The following SVOP variants were observed in gnomAD, a reference collection of about 807,000 sequenced individuals.
SVOP encodes synaptic vesicle 2-related protein.
Under a neutral mutation model 69.1 loss-of-function variants are expected in SVOP, and 17 were observed. The ratio of observed to expected loss-of-function variants is 0.25; its 90% CI spans 0.17 to 0.37. The LOEUF (loss-of-function observed/expected upper bound fraction) is 0.37, where lower values mean the gene tolerates loss of function less well. Ranked by LOEUF, SVOP falls within the 10% of genes least tolerant of loss-of-function variation. SVOP has a pLI of 1.00. For synonymous variants in SVOP, 238 were observed against 238.6 expected, an observed-to-expected ratio of 1.00 and a Z score of 0.02; for missense variants, 435 against 597.5, an observed-to-expected ratio of 0.73 and a Z score of 2.84.
chr12:109,020,559 G>A (rs554053367), intron 1 of SVOP, among the ~76,000 whole-genome samples: 2 of 152,264 alleles, frequency 1.3e-5, no homozygotes, highest in African/African-American at 4.8e-5. Flanking sequence ...AATCCTTTTA[G>A]GATTGAGAGC....
At chr12:108,947,488 T>C (rs897083701) in intron 6 of SVOP, among the ~76,000 whole-genome samples, 9 of 152,194 alleles carry the variant, frequency 5.9e-5, no homozygotes, top group African/African-American at 1.7e-4. Context: ...CATTCTAAAC[T>C]TCCCCACTTC....
intron 5 of SVOP, among the ~76,000 whole-genome samples, chr12:108,961,568 A>G (rs775080508): frequency 5.3e-5 from 8 of 152,188 alleles, no homozygotes; most frequent in Non-Finnish European, 1.2e-4. Flanking sequence ...CATGCTGTCA[A>G]TGACAACGCT....
intron 1 of SVOP, among the ~76,000 whole-genome samples, chr12:109,013,219 G>A (rs2040351320): frequency 6.6e-6 from 1 of 152,066 alleles, no homozygotes; most frequent in Admixed American, 6.6e-5. Flanking sequence ...CTCTCATGAG[G>A]GAAGACAAAC....
At position 109,018,822 on chromosome 12, in the gene SVOP, G is replaced by A. The variant is rs115461652; in HGVS notation, c.35+2012C>T. 5.2e-3 allele frequency among the ~76,000 whole-genome samples: 793 copies of A among 152,274 alleles called. 6 individuals are homozygous for A. Among genetic ancestry groups the A allele is most frequent in the African/African-American group, 0.017 (721 of 41,546 alleles). ...TTTTTCAGATGTAATAATAGTAATA[G>A]CTAATATGCATTGAGTGCTTTGTGT... On this transcript the variant is annotated intron_variant, in intron 1 of 15. Transcript: ENST00000610966.
At chr12:108,991,261 C>T (rs1408220893) in intron 1 of SVOP, among the ~76,000 whole-genome samples, 1 of 152,134 alleles carries the variant, frequency 6.6e-6, no homozygotes, top group Non-Finnish European at 1.5e-5. Context: ...CCCAGGACAT[C>T]TCTTAAGCAG....
At chr12:108,934,585 A>G (rs4469942) in intron 10 of SVOP, among the ~76,000 whole-genome samples, 76,993 of 152,052 alleles carry the variant, frequency 0.51, 22,079 homozygotes, top group African/African-American at 0.78. Flanking sequence ...GCATTCCCAG[A>G]TGGTTACGCA....
intron 11 of SVOP, among the ~76,000 whole-genome samples, chr12:108,930,985 A>G (rs1014543349): frequency 6.6e-6 from 1 of 152,206 alleles, no homozygotes; most frequent in African/African-American, 2.4e-5. Flanking sequence ...CTGACCTTTT[A>G]TAGAAAAAGA....
chr12:109,012,226 T>C (rs1031862080), intron 1 of SVOP, among the ~76,000 whole-genome samples: 2 of 151,412 alleles, frequency 1.3e-5, no homozygotes, highest in Non-Finnish European at 2.9e-5. Flanking sequence ...GAGGTTGCAG[T>C]GAGCCAAGAT....
chr12:108,934,120 G>A, intron 11 of SVOP, 75 bp downstream of exon 11: 2 of 1,284,264 alleles, frequency 1.6e-6, no homozygotes. Context: ...AGCCTGGGGT[G>A]GGAGTGTGTG....
chr12:108,960,692 C>T (rs917585523), intron 6 of SVOP, among the ~76,000 whole-genome samples: 1 of 152,176 alleles, frequency 6.6e-6, no homozygotes, highest in African/African-American at 2.4e-5. Flanking sequence ...TATCATTTCG[C>T]TTTTACAACC....
chr12:108,988,622 A>G (rs1490439653), intron 1 of SVOP, among the ~76,000 whole-genome samples: 1 of 152,164 alleles, frequency 6.6e-6, no homozygotes, highest in African/African-American at 2.4e-5. Context: ...AGTAAGTAGT[A>G]GTAAGTTTTG....
In SVOP at chr12:109,007,300, CTAACA is replaced by C. The variant is rs376878184; in HGVS notation, c.35+13529_35+13533del. On this transcript the variant is annotated intron_variant, in intron 1 of 15. Transcript: ENST00000610966. Reference sequence around the variant, plus strand: ...GAAGCAGCAGAGACTGCCAAGGTCACTAACATATGGACTTGCTTTGTCTCCTTCAA... The same window carrying C: ...GAAGCAGCAGAGACTGCCAAGGTCACTATGGACTTGCTTTGTCTCCTTCAA... Among the ~76,000 whole-genome samples, 622 of 152,312 alleles carry C rather than the reference CTAACA, an allele frequency of 4.1e-3. 6 individuals are homozygous for C. The highest frequency in any genetic ancestry group is 7.1e-3 in the Non-Finnish European group (480 of 68,026).
intron 6 of SVOP, among the ~76,000 whole-genome samples, chr12:108,945,821 C>T (rs1397704236): frequency 6.6e-6 from 1 of 152,204 alleles, no homozygotes; most frequent in Admixed American, 6.5e-5. Context: ...CTTCTCAGCA[C>T]ACAATGTCAA....
At chr12:108,921,067 C>T (rs1349875109) in intron 12 of SVOP, among the ~76,000 whole-genome samples, 4 of 148,482 alleles carry the variant, frequency 2.7e-5, no homozygotes, top group Non-Finnish European at 5.9e-5. Flanking sequence ...CCAAATAAAA[C>T]AATACACATA....
chr12:109,019,319 A>G (rs940569659), intron 1 of SVOP, among the ~76,000 whole-genome samples: 1 of 152,134 alleles, frequency 6.6e-6, no homozygotes, highest in Non-Finnish European at 1.5e-5. Context: ...AATTGTCATG[A>G]TAATGTCAGG....
At chr12:109,000,175 A>G (rs1265317014) in intron 1 of SVOP, among the ~76,000 whole-genome samples, 1 of 152,272 alleles carries the variant, frequency 6.6e-6, no homozygotes, top group Non-Finnish European at 1.5e-5. Flanking sequence ...AGAGAATAGT[A>G]CAAACACCTC....
At chr12:108,989,564 T>A (rs1359041580) in intron 1 of SVOP, among the ~76,000 whole-genome samples, 2 of 152,128 alleles carry the variant, frequency 1.3e-5, no homozygotes, top group African/African-American at 4.8e-5. Flanking sequence ...AGGGCTGGGC[T>A]GTTACACCCT....
chr12:109,004,409 A>ATTTT (rs1452291078), intron 1 of SVOP, among the ~76,000 whole-genome samples: 2 of 75,858 alleles, frequency 2.6e-5, no homozygotes, highest in Non-Finnish European at 7.9e-5. Flanking sequence ...AGGTATTGCT[A>ATTTT]CTTTTTTTTT....
intron 15 of SVOP, among the ~76,000 whole-genome samples, chr12:108,913,478 G>A (rs1186099106): frequency 6.6e-6 from 1 of 152,200 alleles, no homozygotes; most frequent in Non-Finnish European, 1.5e-5. Context: ...AAGAGGATAA[G>A]TGGTTCCTAC....
Sources: gnomAD v4.1 joint callset for allele counts (sites outside exome capture counted in the v4.1 genomes callset) on GRCh38, gnomAD v4.1.1 for gene constraint, MANE v1.5 for transcripts, NCBI Gene and HGNC (gene_info 2026-07-23, HGNC 2026-07-21) for gene names.